Variants in UNC5C observed in about 807,000 individuals in gnomAD.
UNC5C encodes netrin receptor UNC5C.
In UNC5C, 47 loss-of-function variants were observed where a neutral mutation model predicts 99.8. The observed-to-expected ratio is 0.47, with a 90% confidence interval of 0.37 to 0.60. The LOEUF is 0.60. Ranked by LOEUF, UNC5C falls within the 20% of genes least tolerant of loss-of-function variation. The pLI, the probability that UNC5C is intolerant of heterozygous loss-of-function variation, is 0.00. For synonymous variants in UNC5C, 487 were observed against 452.2 expected (o/e 1.08, Z -0.98); for missense variants, 1,062 against 1,165.9 (o/e 0.91, Z 1.30).
chr4:95,328,072 T>TTTTTA (rs1404184629), intron 2 of UNC5C, among the ~76,000 whole-genome samples: 1 of 142,904 alleles, frequency 7.0e-6, no homozygotes. Context: ...ATTTTTTTTT[T>TTTTTA]TTTTTATTAT....
At chr4:95,262,535 A>G (rs1045411355) in intron 4 of UNC5C, among the ~76,000 whole-genome samples, 5 of 152,164 alleles carry the variant, frequency 3.3e-5, no homozygotes, top group African/African-American at 1.2e-4. Flanking sequence ...TGAAAACCTC[A>G]TTTCTCCTAT....
At chr4:95,170,098 C>T (rs757889142) in intron 15 of UNC5C, 56 bp downstream of exon 15, 12 of 1,561,972 alleles carry the variant, frequency 7.7e-6, no homozygotes, top group East Asian at 2.3e-5. Flanking sequence ...TAATAGTTAT[C>T]GGTCCTGGAG....
intron 12 of UNC5C, among the ~76,000 whole-genome samples, chr4:95,187,199 T>TTATA (rs1456160571): frequency 1.3e-5 from 2 of 151,860 alleles, no homozygotes; most frequent in East Asian, 3.9e-4. Context: ...TGATGTTTGT[T>TTATA]TATAAGCCAT....
chr4:95,542,892 T>C (rs919997774), intron 1 of UNC5C, among the ~76,000 whole-genome samples: 13 of 152,078 alleles, frequency 8.5e-5, no homozygotes, highest in African/African-American at 3.1e-4. Context: ...CTCTGTAAGT[T>C]TGAAAATAAC....
intron 7 of UNC5C, among the ~76,000 whole-genome samples, chr4:95,239,661 T>C (rs1739258845): frequency 6.6e-6 from 1 of 151,938 alleles, no homozygotes; most frequent in South Asian, 2.1e-4. Flanking sequence ...ACCACGTATT[T>C]TCTCTCTCTC....
At chr4:95,502,686 A>G (rs1306183115) in intron 1 of UNC5C, among the ~76,000 whole-genome samples, 3 of 152,192 alleles carry the variant, frequency 2.0e-5, no homozygotes, top group African/African-American at 4.8e-5. Flanking sequence ...AGCACTCAGT[A>G]CATGTCAGTT....
intron 1 of UNC5C, among the ~76,000 whole-genome samples, chr4:95,339,417 T>A (rs899125179): frequency 6.6e-6 from 1 of 152,022 alleles, no homozygotes; most frequent in African/African-American, 2.4e-5. Context: ...GACTGTTTAC[T>A]GAGATCAGTA....
chr4:95,220,063 C>CA lies in UNC5C; in HGVS notation c.1221dup (p.Asp408Ter). The CA allele has an allele frequency of 6.2e-7, 1 of 1,614,082 alleles. No homozygotes were observed. Among genetic ancestry groups the CA allele is most frequent in the Non-Finnish European group, 8.5e-7 (1 of 1,179,972 alleles). On this transcript the variant is annotated frameshift_variant, in exon 8 of 16. Transcript: ENST00000453304. LOFTEE classifies it high-confidence loss of function. ...GAGTCAATAATATCTGACTCAAAGT[C>CA]ACGATGATTCTTCCGATACACAAAC...
intron 1 of UNC5C, among the ~76,000 whole-genome samples, chr4:95,432,475 A>C (rs890155691): frequency 6.6e-6 from 1 of 152,118 alleles, no homozygotes; most frequent in Non-Finnish European, 1.5e-5. Context: ...TGAGTCAAAA[A>C]CATTGATTTT....
At chr4:95,353,558 C>G (rs1744063592) in intron 1 of UNC5C, among the ~76,000 whole-genome samples, 1 of 151,980 alleles carries the variant, frequency 6.6e-6, no homozygotes, top group African/African-American at 2.4e-5. Flanking sequence ...TTAGAAGTCA[C>G]AAGCATGGAA....
intron 1 of UNC5C, among the ~76,000 whole-genome samples, chr4:95,396,313 G>T (rs911257417): frequency 5.9e-5 from 9 of 152,170 alleles, no homozygotes; most frequent in Admixed American, 1.3e-4. Context: ...TTAAAGCAAA[G>T]GTGTTAGAGA....
At chr4:95,243,054 C>A (rs1739383380) in intron 6 of UNC5C, among the ~76,000 whole-genome samples, 1 of 152,152 alleles carries the variant, frequency 6.6e-6, no homozygotes, top group Non-Finnish European at 1.5e-5. Flanking sequence ...TCTATCCAAC[C>A]TTCCATTCAT....
chr4:95,463,033 T>C (rs71601275), intron 1 of UNC5C, among the ~76,000 whole-genome samples: 2 of 152,140 alleles, frequency 1.3e-5, no homozygotes, highest in Non-Finnish European at 2.9e-5. Context: ...CTGTTTCTGG[T>C]GGGGAAGGTA....
intron 11 of UNC5C, among the ~76,000 whole-genome samples, chr4:95,206,316 A>G (rs1420925964): frequency 6.6e-6 from 1 of 151,712 alleles, no homozygotes; most frequent in African/African-American, 2.4e-5. Flanking sequence ...TATATATTAT[A>G]TATACACACA....
intron 1 of UNC5C, among the ~76,000 whole-genome samples, chr4:95,433,901 G>C (rs1746702096): frequency 6.6e-6 from 1 of 151,940 alleles, no homozygotes; most frequent in Admixed American, 6.6e-5. Flanking sequence ...CTGAGCTCTT[G>C]ATGCCTTCAC....
At chr4:95,286,436 C>T (rs952481359) in intron 3 of UNC5C, among the ~76,000 whole-genome samples, 2 of 152,160 alleles carry the variant, frequency 1.3e-5, no homozygotes, top group Non-Finnish European at 2.9e-5. Flanking sequence ...CACCAAGTTA[C>T]GCATGGCACT....
chr4:95,276,795 A>C (rs1740877623), intron 4 of UNC5C, among the ~76,000 whole-genome samples: 1 of 152,186 alleles, frequency 6.6e-6, no homozygotes, highest in South Asian at 2.1e-4. Flanking sequence ...TATCAAGCAA[A>C]ATCTCTGATA....
chr4:95,354,725 C>T (rs1248659446), intron 1 of UNC5C, among the ~76,000 whole-genome samples: 1 of 151,880 alleles, frequency 6.6e-6, no homozygotes, highest in African/African-American at 2.4e-5. Flanking sequence ...TCAAGTGATC[C>T]TTCCACCTTG....
At chr4:95,394,313 A>G (rs2149446123) in intron 1 of UNC5C, among the ~76,000 whole-genome samples, 1 of 152,122 alleles carries the variant, frequency 6.6e-6, no homozygotes, top group South Asian at 2.1e-4. Context: ...AGGTGATGAA[A>G]TCTCACGAAT....
Sources: allele counts gnomAD v4.1 joint callset (sites outside exome capture counted in the v4.1 genomes callset), GRCh38; gene constraint gnomAD v4.1.1; transcripts MANE v1.5; gene names NCBI Gene and HGNC (gene_info 2026-07-23, HGNC 2026-07-21).